The following SEC16A variants were observed in gnomAD, a reference collection of about 807,000 sequenced individuals.
SEC16A encodes SEC16 homolog A, endoplasmic reticulum export factor.
SEC16A carries 110 observed loss-of-function variants against 221.9 expected under a neutral mutation model. That is an observed-to-expected ratio of 0.50 (90% CI 0.42 to 0.58). SEC16A has a LOEUF of 0.58. SEC16A is among the 20% of genes least tolerant of loss of function. SEC16A has a pLI of 0.00. For missense variants in SEC16A, 3,165 were observed against 3,097.8 expected, an observed-to-expected ratio of 1.02 and a Z score of -0.52; for synonymous variants, 1,393 against 1,257.7, an observed-to-expected ratio of 1.11 and a Z score of -2.28.
chr9:136,472,239 A>G, intron 3 of SEC16A, 128 bp from the exon 4 acceptor site: 3 of 1,076,890 alleles, frequency 2.8e-6, no homozygotes, highest in Non-Finnish European at 4.1e-6. Flanking sequence ...AAGCTCGTCC[A>G]ACAACCAGCC....
At chr9:136,470,472 A>C (rs780368844) in intron 4 of SEC16A, among the ~76,000 whole-genome samples, 3 of 152,146 alleles carry the variant, frequency 2.0e-5, no homozygotes, top group Non-Finnish European at 2.9e-5. Context: ...CTGTCTGCTC[A>C]CCCTCACCCG....
chr9:136,477,577 A>G lies in SEC16A; in HGVS notation c.39T>C (p.Ala13=), dbSNP rs774562924. ...PPPQTVPSGM[A]GPPPAGNPRS... ...GAGGATTCCCGGCTGGAGGTGGCCC[A>G]GCCATGCCAGACGGGACCGTCTGGG... Residue 13 remains alanine, a synonymous_variant, in exon 3 of 32, where the codon GCT becomes GCC. Coordinates refer to ENST00000684901, the MANE Select transcript of SEC16A (RefSeq NM_014866.2). 1.2e-6 allele frequency: 2 copies of G among 1,612,596 alleles called. No individual in the cohort carries two copies. Among genetic ancestry groups the G allele is most frequent in the Non-Finnish European group, 1.7e-6 (2 of 1,179,596 alleles).
At position 136,459,938 on chromosome 9, in the gene SEC16A, C is replaced by G. The variant is rs963999135; in HGVS notation, c.5074-64G>C. ...AAGCCAGCGCCATTTCAATTCCACA[C>G]AGCTGGGCTCACCAGGCACCTCACG... is the stretch of plus-strand genomic sequence containing the variant. On this transcript the variant is annotated intron_variant, in intron 14 of 31. Transcript: ENST00000684901. This position sits in a 1 kb window ranked among gnomAD's most constrained non-coding sequence, Gnocchi z 6.1. The G allele has an allele frequency of 5.2e-6, 8 of 1,544,838 alleles. No individual in the cohort carries two copies. Among genetic ancestry groups the G allele is most frequent in the Middle Eastern group, 3.3e-4 (2 of 5,990 alleles).
rs1841364604 is a variant in SEC16A, at chr9:136,474,552, T to A, written c.3064A>T (p.Ser1022Cys). 1 of 1,612,772 alleles carries A rather than the reference T, an allele frequency of 6.2e-7. No individual in the cohort carries two copies. The highest frequency in any genetic ancestry group is 1.7e-5 in the Admixed American group (1 of 59,978). Residue 1022 changes from serine (S) to cysteine (C), a missense_variant, in exon 3 of 32, where the codon AGT becomes TGT. Physicochemically the swap from Ser to Cys is moderately radical, Grantham distance 112 (BLOSUM62 -1). This residue lies in a region of SEC16A where 2,030 missense variants were observed against 1,923.1 expected (regional missense o/e 1.06). Transcript: ENST00000684901. Reference sequence around the variant, plus strand: ...GATTGTCTGGGATGACTGGCAACACTTTGCTGAGAAGCGAGGCTGTCAGAA... The same window carrying A: ...GATTGTCTGGGATGACTGGCAACACATTGCTGAGAAGCGAGGCTGTCAGAA... Reference protein sequence around the residue: ...SHSDSLASQQSVASHPRQSGP... With the variant: ...SHSDSLASQQCVASHPRQSGP...
At position 136,482,943 on chromosome 9, in the gene SEC16A, C is replaced by A. The variant is rs1842600589; in HGVS notation, c.-197G>T. On this transcript the variant is annotated 5_prime_UTR_variant, in exon 1 of 32. Coordinates refer to ENST00000684901, the MANE Select transcript of SEC16A (RefSeq NM_014866.2). ...ACCCGCGCTCGCCCCCTCACCCGCG[C>A]GGCTGAGACCGATCCCTCAGGAGCC... 1 of 984,018 alleles carries A rather than the reference C, an allele frequency of 1.0e-6. No homozygotes were observed. Among genetic ancestry groups the A allele is most frequent in the African/African-American group, 1.7e-5 (1 of 57,288 alleles). The allele number at this position is 984,018 out of a possible 1,614,324, so 61.0% of individuals were successfully genotyped here. A position where few individuals can be genotyped will look rare whatever the true frequency, so the allele number is the denominator to read the frequency against.
chr9:136,466,966 A>G lies in SEC16A; in HGVS notation c.3920T>C (p.Phe1307Ser), dbSNP rs749483820. 6 of 1,613,088 alleles carry G rather than the reference A, an allele frequency of 3.7e-6. No individual in the cohort carries two copies. In the Middle Eastern group the frequency reaches 9.9e-4, roughly 266 times the overall value. ...GGGGTGCTCCACCAACCTGTCCCCG[A>G]AGGCAGAGTGCTCTCTCCTGTATGC... Reference protein sequence around the residue: ...YDAYRREHSAFGDRPEKRDNN... With the variant: ...YDAYRREHSASGDRPEKRDNN... The change falls in exon 6 of 32, where the codon TTC (phenylalanine) becomes TCC (serine). Residue 1307 changes from phenylalanine to serine, a missense_variant. Coordinates refer to ENST00000684901, the MANE Select transcript of SEC16A (RefSeq NM_014866.2). This position sits in a 1 kb window ranked among gnomAD's most constrained non-coding sequence, Gnocchi z 5.5.
At position 136,474,495 on chromosome 9, in the gene SEC16A, A is replaced by G. The variant is rs1841353354; in HGVS notation, c.3121T>C (p.Tyr1041His). The G allele has an allele frequency of 6.2e-7, 1 of 1,613,086 alleles. No individual in the cohort carries two copies. Among genetic ancestry groups the G allele is most frequent in the Non-Finnish European group, 8.5e-7 (1 of 1,179,864 alleles). The change falls in exon 3 of 32, where the codon TAT (tyrosine) becomes CAT (histidine). Residue 1041 changes from tyrosine (Y) to histidine (H), a missense_variant. By Grantham distance (83) the Tyr-to-His change is moderately conservative (BLOSUM62 2). Around this residue, in one of 3 missense-constraint regions of SEC16A, gnomAD observed 2,030 missense variants for 1,923.1 expected, o/e 1.06. Transcript: ENST00000684901. ...GPGAPNLDRF[Y>H]QQVTKDAQGQ... ...TGGGCATCTTTCGTGACCTGCTGAT[A>G]AAAACGGTCAAGGTTAGGCGCCCCA...
Position 136,459,597 on chromosome 9 carries a change from C to A in SEC16A, c.5192-42G>T, listed in dbSNP as rs375945523. The A allele has an allele frequency of 6.7e-6, 10 of 1,490,952 alleles. No homozygotes were observed. The highest frequency in any genetic ancestry group is 2.0e-5 in the Admixed American group (1 of 49,762). 92.4% of individuals were successfully genotyped at this position (1,490,952 alleles called of 1,614,324 possible). A position where few individuals can be genotyped will look rare whatever the true frequency, so the allele number is the denominator to read the frequency against. The stretch of plus-strand genomic sequence containing the variant: ...CGACACACGGCGGGGGCTCAGCGAC[C>A]GGGAGCGCTTGCAGAAGTCAAGGAC... On this transcript the variant is annotated intron_variant, in intron 15 of 31. Transcript: ENST00000684901. This position sits in a 1 kb window ranked among gnomAD's most constrained non-coding sequence, Gnocchi z 6.1.
In SEC16A at chr9:136,475,072, G is replaced by C. The variant is rs770576211; in HGVS notation, c.2544C>G (p.Ser848=). 1.9e-6 allele frequency: 3 copies of C among 1,613,756 alleles called. No homozygotes were observed. In the South Asian group the frequency reaches 3.3e-5, roughly 18 times the overall value. The change falls in exon 3 of 32, where the codon TCC becomes TCG. Residue 848 remains serine, a synonymous_variant. Transcript: ENST00000684901. The surrounding 1 kb of genome is among the most constrained non-coding windows in gnomAD (Gnocchi z 5.0). ...GATTCTTCTCATGAGAGTTCGATAA[G>C]GACACAGAAAAGTTAATGGGCTGAG... ...NLAQPINFSV[S]LSNSHEKNQS...
At chr9:136,454,349 G>A in intron 20 of SEC16A, 22 bp from the exon 21 acceptor site, 2 of 1,554,452 alleles carry the variant, frequency 1.3e-6, no homozygotes, top group Non-Finnish European at 1.7e-6. Flanking sequence ...CGGTGGAGAA[G>A]AGGTCTGGGG....
rs1564505831 is a variant in SEC16A, at chr9:136,466,051, T to C, written c.4214A>G (p.Tyr1405Cys). 1 of 1,613,378 alleles carries C rather than the reference T, an allele frequency of 6.2e-7. No individual in the cohort carries two copies. The highest frequency in any genetic ancestry group is 1.7e-5 in the Admixed American group (1 of 59,984). Residue 1405 changes from tyrosine to cysteine, a missense_variant, in exon 8 of 32, where the codon TAC (tyrosine) becomes TGC (cysteine). Transcript: ENST00000684901. This position sits in a 1 kb window ranked among gnomAD's most constrained non-coding sequence, Gnocchi z 5.5. ...GCTGAAATTGCTGCGGTAGGTGCCG[T>C]AGGCAAAATCGCCGTGAAAGGAGCC... ...PPGSFHGDFA[Y>C]GTYRSNFSSG...
rs774292237 is a variant in SEC16A, at chr9:136,454,332, A to G, written c.5858-5T>C. 18 of 1,566,282 alleles carry G rather than the reference A, an allele frequency of 1.1e-5. No homozygotes were observed. The highest frequency in any genetic ancestry group is 3.3e-4 in the Middle Eastern group (2 of 6,028). The stretch of plus-strand genomic sequence containing the variant: ...CGTCAGGGAGCGTCTGCGGAGCTGC[A>G]TGGGAACGGTGGAGAAGAGGTCTGG... On this transcript the variant is annotated splice_region_variant and splice_polypyrimidine_tract_variant and intron_variant, in intron 20 of 31. Transcript: ENST00000684901.
At chr9:136,455,839 T>C (rs1237998466) in intron 19 of SEC16A, 46 bp from the exon 20 acceptor site, 2 of 1,519,536 alleles carry the variant, frequency 1.3e-6, no homozygotes, top group Admixed American at 2.0e-5. Context: ...CTGTGGCCGC[T>C]CTGCAGCGCT....
Position 136,466,040 on chromosome 9 carries a change from G to A in SEC16A, c.4225C>T (p.Arg1409Cys), listed in dbSNP as rs753561737. Residue 1409 changes from arginine (R) to cysteine (C), a missense_variant, in exon 8 of 32, where the codon CGC becomes TGC. Physicochemically the swap from Arg to Cys is radical, Grantham distance 180. Around this residue, in one of 3 missense-constraint regions of SEC16A, gnomAD observed 2,030 missense variants for 1,923.1 expected, o/e 1.06. Transcript: ENST00000684901. The surrounding 1 kb of genome is among the most constrained non-coding windows in gnomAD (Gnocchi z 5.5). ...CCGGGGCCACTGCTGAAATTGCTGCGGTAGGTGCCGTAGGCAAAATCGCCG... is the reference window on the plus strand; with the variant it reads ...CCGGGGCCACTGCTGAAATTGCTGCAGTAGGTGCCGTAGGCAAAATCGCCG... ...FHGDFAYGTY[R>C]SNFSSGPGFP... The A allele has an allele frequency of 6.8e-6, 11 of 1,613,510 alleles. No homozygotes were observed. The highest frequency in any genetic ancestry group is 4.0e-5 in the African/African-American group (3 of 74,942).
intron 23 of SEC16A, among the ~76,000 whole-genome samples, chr9:136,449,495 G>A (rs549607584): frequency 3.3e-5 from 5 of 152,334 alleles, no homozygotes; most frequent in African/African-American, 1.2e-4. Context: ...TGATCTGCTC[G>A]CCTCAGCATC....
chr9:136,446,159 G>A (rs1261117276), intron 28 of SEC16A, among the ~76,000 whole-genome samples: 1 of 149,592 alleles, frequency 6.7e-6, no homozygotes, highest in East Asian at 2.0e-4. Flanking sequence ...GGGATGGAGT[G>A]CAATGGCGCA....
chr9:136,470,640 T>A (rs1840731285), intron 4 of SEC16A, among the ~76,000 whole-genome samples: 1 of 152,096 alleles, frequency 6.6e-6, no homozygotes, highest in Non-Finnish European at 1.5e-5. Context: ...ACAAAGCACC[T>A]CCAACATCCA....
At chr9:136,452,654 C>A (rs1383288142) in intron 22 of SEC16A, among the ~76,000 whole-genome samples, 1 of 150,216 alleles carries the variant, frequency 6.7e-6, no homozygotes, top group African/African-American at 2.5e-5. Flanking sequence ...GTAGTCCCAG[C>A]TACTTGGGAG....
chr9:136,474,186 C>A lies in SEC16A; in HGVS notation c.3430G>T (p.Val1144Leu), dbSNP rs1335246859. 3.1e-6 allele frequency: 5 copies of A among 1,612,702 alleles called. No individual in the cohort carries two copies. The highest frequency in any genetic ancestry group is 4.2e-6 in the Non-Finnish European group (5 of 1,179,738). The change falls in exon 3 of 32, where the codon GTG becomes TTG. Residue 1144 changes from valine (V) to leucine (L), a missense_variant. Coordinates refer to ENST00000684901, the MANE Select transcript of SEC16A (RefSeq NM_014866.2). The stretch of plus-strand genomic sequence containing the variant: ...GGTGGGCCGGGGGCAAGTGCAGGCA[C>A]TGGCTGTGGCCACGGCTGCTCTGAC... ...VPSEQPWPQPVPALAPGPPPQ... is the reference protein window; with the variant it reads ...VPSEQPWPQPLPALAPGPPPQ...
Sources: gnomAD v4.1 joint callset for allele counts (sites outside exome capture counted in the v4.1 genomes callset) on GRCh38, gnomAD v4.1.1 for gene constraint, gnomAD v4.1.1 regional missense constraint, Gnocchi (gnomAD v3.1) non-coding constraint, MANE v1.5 for transcripts, NCBI Gene and HGNC (gene_info 2026-07-23, HGNC 2026-07-21) for gene names.